Variants in GLDC observed in about 807,000 individuals in gnomAD.
GLDC encodes the protein glycine decarboxylase, also known as glycine dehydrogenase (decarboxylating), mitochondrial.
GLDC carries 104 observed loss-of-function variants against 121.3 expected under a neutral mutation model. That is an observed-to-expected ratio of 0.86 (90% confidence interval 0.73 to 1.01). GLDC has a LOEUF of 1.01. Ranked by LOEUF, GLDC falls within the 50% of genes least tolerant of loss-of-function variation. The pLI is 0.00. For synonymous variants in GLDC, 546 were observed against 480.6 expected (o/e 1.14, Z -1.78); for missense variants, 1,429 against 1,306.6 (o/e 1.09, Z -1.44).
At chr9:6,545,583 T>C (rs1817370987) in intron 21 of GLDC, among the ~76,000 whole-genome samples, 1 of 152,212 alleles carries the variant, frequency 6.6e-6, no homozygotes, top group African/African-American at 2.4e-5. Context: ...ACACTTAGGC[T>C]ATATTAATTT....
intron 22 of GLDC, among the ~76,000 whole-genome samples, chr9:6,539,758 GT>G (rs1271737851): frequency 2.6e-5 from 4 of 152,118 alleles, no homozygotes; most frequent in Non-Finnish European, 5.9e-5. Context: ...TACTTGCTCT[GT>G]CTCCTTTACC....
intron 21 of GLDC, chr9:6,540,464 T>G: frequency 2.7e-6 from 1 of 366,210 alleles, no homozygotes; most frequent in South Asian, 2.6e-5. Context: ...ATGAGATTAT[T>G]TCTATTCTGC....
Position 6,577,555 on chromosome 9 carries a change from C to G in GLDC, c.1850+9586G>C, listed in dbSNP as rs566229992. On this transcript the variant is annotated intron_variant, in intron 15 of 24. Coordinates refer to ENST00000321612, the MANE Select transcript of GLDC (RefSeq NM_000170.3). Reference sequence around the variant, plus strand: ...CATAAAAATATCTTTTTTGAATTGACTAAATAACATATGATCAAGGCTTTA... The same window carrying G: ...CATAAAAATATCTTTTTTGAATTGAGTAAATAACATATGATCAAGGCTTTA... Among the ~76,000 whole-genome samples, 226 of 152,246 alleles carry G rather than the reference C, an allele frequency of 1.5e-3. 1 individual carries two copies. The highest frequency in any genetic ancestry group is 2.8e-3 in the Non-Finnish European group (191 of 68,014).
chr9:6,618,033 C>T (rs1819000580), intron 3 of GLDC, among the ~76,000 whole-genome samples: 2 of 152,134 alleles, frequency 1.3e-5, no homozygotes, highest in Non-Finnish European at 2.9e-5. Flanking sequence ...TCATGATGAT[C>T]CTGCTAGAAA....
At chr9:6,551,695 G>T (rs1246578332) in intron 20 of GLDC, among the ~76,000 whole-genome samples, 1 of 152,152 alleles carries the variant, frequency 6.6e-6, no homozygotes, top group East Asian at 1.9e-4. Context: ...TAGAAACTTA[G>T]AAATAAGTAG....
chr9:6,641,226 C>T (rs966930387), intron 2 of GLDC, among the ~76,000 whole-genome samples: 1 of 152,222 alleles, frequency 6.6e-6, no homozygotes, highest in Non-Finnish European at 1.5e-5. Context: ...GCAGCCTCCC[C>T]CAGATTTATC....
chr9:6,545,605 C>G (rs75636497), intron 21 of GLDC, among the ~76,000 whole-genome samples: 16,730 of 152,102 alleles, frequency 0.11, 1,239 homozygotes, highest in East Asian at 0.28. Context: ...TTTAAAAAAA[C>G]TTTTTTCTTC....
intron 2 of GLDC, among the ~76,000 whole-genome samples, chr9:6,628,622 CAAA>C (rs1177583678): frequency 6.6e-6 from 1 of 151,096 alleles, no homozygotes; most frequent in East Asian, 1.9e-4. Flanking sequence ...CTCGTCTCTA[CAAA>C]AAAAAAGTCA....
chr9:6,548,252 T>C (rs998575842), intron 21 of GLDC, among the ~76,000 whole-genome samples: 1 of 152,234 alleles, frequency 6.6e-6, no homozygotes, highest in Non-Finnish European at 1.5e-5. Flanking sequence ...TCATGCTTTA[T>C]TATTTTCCAA....
At chr9:6,548,920 C>G (rs895129312) in intron 21 of GLDC, among the ~76,000 whole-genome samples, 4 of 152,134 alleles carry the variant, frequency 2.6e-5, no homozygotes, top group Non-Finnish European at 5.9e-5. Context: ...TAACTACATC[C>G]TACTGAAGCA....
At chr9:6,543,610 T>C (rs1356908888) in intron 21 of GLDC, among the ~76,000 whole-genome samples, 1 of 152,184 alleles carries the variant, frequency 6.6e-6, no homozygotes, top group South Asian at 2.1e-4. Context: ...TGCGTTCAAA[T>C]AGAAACTGCG....
intron 8 of GLDC, among the ~76,000 whole-genome samples, chr9:6,595,852 T>G (rs1818484246): frequency 6.6e-6 from 1 of 152,194 alleles, no homozygotes; most frequent in Non-Finnish European, 1.5e-5. Context: ...TGATGTTCAA[T>G]ACTGGGTCCA....
intron 2 of GLDC, among the ~76,000 whole-genome samples, chr9:6,640,617 G>C (rs535606843): frequency 6.6e-6 from 1 of 152,338 alleles, no homozygotes; most frequent in South Asian, 2.1e-4. Context: ...GTTGAATAAT[G>C]TGAACATTGG....
At chr9:6,593,890 A>G (rs1220044793) in intron 9 of GLDC, among the ~76,000 whole-genome samples, 1 of 151,044 alleles carries the variant, frequency 6.6e-6, no homozygotes, top group Non-Finnish European at 1.5e-5. Context: ...ACAGGGTTTC[A>G]CCATGTTGGC....
At chr9:6,554,819 G>A in intron 18 of GLDC, 38 bp from the exon 19 acceptor site, 2 of 1,488,328 alleles carry the variant, frequency 1.3e-6, no homozygotes, top group South Asian at 1.2e-5. Context: ...AAAGTCAAGA[G>A]CTTGGAAGCA....
At chr9:6,605,700 A>G (rs1818716207) in intron 5 of GLDC, among the ~76,000 whole-genome samples, 3 of 152,236 alleles carry the variant, frequency 2.0e-5, no homozygotes, top group Non-Finnish European at 4.4e-5. Context: ...TGCCAATTAT[A>G]TGTCAGAAAC....
chr9:6,593,166 A>C, intron 9 of GLDC, 176 bp from the exon 10 acceptor site: 1 of 639,958 alleles, frequency 1.6e-6, no homozygotes, highest in Non-Finnish European at 2.8e-6. Context: ...GTAGAAAATT[A>C]TGAAATACAT....
intron 21 of GLDC, among the ~76,000 whole-genome samples, chr9:6,543,897 G>A (rs200577902): frequency 4.6e-5 from 7 of 151,678 alleles, no homozygotes; most frequent in Non-Finnish European, 1.0e-4. Context: ...ACAGGAGGGG[G>A]GGGGATGAAG....
chr9:6,593,744 G>C (rs1191596243), intron 9 of GLDC, among the ~76,000 whole-genome samples: 2 of 149,526 alleles, frequency 1.3e-5, no homozygotes, highest in Non-Finnish European at 3.0e-5. Flanking sequence ...CCAGGATGGA[G>C]TACAGTGGAG....
Sources: allele counts gnomAD v4.1 joint callset (sites outside exome capture counted in the v4.1 genomes callset), GRCh38; gene constraint gnomAD v4.1.1; transcripts MANE v1.5; gene names NCBI Gene and HGNC (gene_info 2026-07-23, HGNC 2026-07-21).